CUL2: variants seen among roughly 807,000 people sequenced by gnomAD.
The protein encoded by CUL2 is cullin-2.
In CUL2, 22 loss-of-function variants were observed where a neutral mutation model predicts 110.2. The observed-to-expected ratio is 0.20, with a 90% CI of 0.14 to 0.28. The LOEUF is 0.28. Among genes scored for constraint, CUL2 ranks in the 10% least tolerant of loss-of-function variants. CUL2 has a pLI of 1.00. For missense variants in CUL2, 631 were observed against 905.5 expected (o/e 0.70, Z 3.89); for synonymous variants, 279 against 293.2 (o/e 0.95, Z 0.49).
At chr10:35,117,915 G>A (rs1185679881) in intron 1 of CUL2, among the ~76,000 whole-genome samples, 3 of 152,046 alleles carry the variant, frequency 2.0e-5, no homozygotes, top group Non-Finnish European at 4.4e-5. Context: ...AATTTTAGGT[G>A]CACAGCAAAA....
At chr10:35,123,312 C>A (rs2087699805) in intron 1 of CUL2, among the ~76,000 whole-genome samples, 2 of 152,100 alleles carry the variant, frequency 1.3e-5, no homozygotes, top group Non-Finnish European at 1.5e-5. Context: ...AAGAGGCCAC[C>A]AAAGATAATT....
At chr10:35,068,574 T>C (rs1430555201) in intron 2 of CUL2, among the ~76,000 whole-genome samples, 1 of 152,222 alleles carries the variant, frequency 6.6e-6, no homozygotes, top group Non-Finnish European at 1.5e-5. Flanking sequence ...TTCAATGTTC[T>C]ATTGATAATG....
intron 2 of CUL2, among the ~76,000 whole-genome samples, chr10:35,067,609 G>T (rs2086566995): frequency 6.6e-6 from 1 of 151,792 alleles, no homozygotes; most frequent in African/African-American, 2.4e-5. Context: ...AAATTAGCCA[G>T]GTCATGCACA....
intron 1 of CUL2, among the ~76,000 whole-genome samples, chr10:35,125,141 A>G (rs1056514388): frequency 1.3e-5 from 2 of 152,242 alleles, no homozygotes; most frequent in Non-Finnish European, 2.9e-5. Flanking sequence ...CCCACAGCTA[A>G]CAAGCATACA....
intron 1 of CUL2, chr10:35,118,420 T>C (rs2087634364): frequency 6.6e-6 from 1 of 152,258 alleles, no homozygotes; most frequent in Non-Finnish European, 1.5e-5. Context: ...CTTGCTCTAA[T>C]CTTCCGGTTC....
chr10:35,105,282 C>T (rs891552257), intron 1 of CUL2, among the ~76,000 whole-genome samples: 2 of 151,630 alleles, frequency 1.3e-5, no homozygotes, highest in Admixed American at 6.6e-5. Context: ...AAAAATTAGC[C>T]GGGCGTGGTG....
intron 3 of CUL2, among the ~76,000 whole-genome samples, chr10:35,062,660 C>T (rs2086412176): frequency 1.3e-5 from 2 of 149,412 alleles, no homozygotes; most frequent in Admixed American, 1.3e-4. Flanking sequence ...AGTGAGACCC[C>T]CATCTCTACC....
At chr10:35,053,712 A>G (rs1174877425) in intron 5 of CUL2, among the ~76,000 whole-genome samples, 1 of 152,208 alleles carries the variant, frequency 6.6e-6, no homozygotes, top group East Asian at 1.9e-4. Flanking sequence ...TTCTTTCGGA[A>G]AGGATTACAC....
chr10:35,020,372 T>C (rs2085153054), intron 17 of CUL2, among the ~76,000 whole-genome samples: 1 of 152,236 alleles, frequency 6.6e-6, no homozygotes, highest in African/African-American at 2.4e-5. Context: ...GAATATGGAC[T>C]GGACATTAGA....
At chr10:35,074,015 G>A (rs1486432262) in intron 1 of CUL2, 2 of 712,768 alleles carry the variant, frequency 2.8e-6, no homozygotes, top group Admixed American at 4.0e-5. Flanking sequence ...CCGTGCTGCG[G>A]CCGGTGCTCT....
At chr10:35,019,697 G>A (rs77599679) in intron 17 of CUL2, among the ~76,000 whole-genome samples, 424 of 152,228 alleles carry the variant, frequency 2.8e-3, no homozygotes, top group African/African-American at 9.7e-3. Flanking sequence ...AATAAAGAGC[G>A]GGCAGAACTC....
chr10:35,022,927 C>A (rs2085238934), intron 17 of CUL2, among the ~76,000 whole-genome samples: 1 of 152,104 alleles, frequency 6.6e-6, no homozygotes, highest in Admixed American at 6.5e-5. Flanking sequence ...TGCCTGTAAT[C>A]CCAGCTACTC....
intron 1 of CUL2, among the ~76,000 whole-genome samples, chr10:35,103,153 T>C (rs1378844813): frequency 6.6e-6 from 1 of 151,876 alleles, no homozygotes; most frequent in Non-Finnish European, 1.5e-5. Context: ...AAATTTTTTT[T>C]TGTTTTTGAG....
chr10:35,028,868 G>T lies in CUL2; in HGVS notation c.1559C>A (p.Thr520Asn). The change falls in exon 16 of 21, where the codon ACT becomes AAT. Residue 520 changes from threonine to asparagine, a missense_variant. By Grantham distance (65) the Thr-to-Asn change is moderately conservative. Coordinates refer to ENST00000374749, the MANE Select transcript of CUL2 (RefSeq NM_003591.4). The stretch of plus-strand genomic sequence containing the variant: ...TGCAAACGTAGATGAAGGAGCCTGA[G>T]TAAGAGGCCACGCACCAGCCTAGAA... ...YVLQAGAWPL[T>N]QAPSSTFAIP... 1 of 1,609,986 alleles carries T rather than the reference G, an allele frequency of 6.2e-7. No individual in the cohort carries two copies. Among genetic ancestry groups the T allele is most frequent in the Non-Finnish European group, 8.5e-7 (1 of 1,177,216 alleles).
In CUL2 at chr10:35,060,743, A is replaced by C. The variant is rs964317957; in HGVS notation, c.317+131T>G. 4 of 702,090 alleles carry C rather than the reference A, an allele frequency of 5.7e-6. No homozygotes were observed. In the African/African-American group the frequency reaches 7.3e-5, roughly 13 times the overall value. 43.5% of individuals were successfully genotyped at this position (702,090 alleles called of 1,614,324 possible). A position where few individuals can be genotyped will look rare whatever the true frequency, so the allele number is the denominator to read the frequency against. On this transcript the variant is annotated intron_variant, in intron 4 of 20. Coordinates refer to ENST00000374749, the MANE Select transcript of CUL2 (RefSeq NM_003591.4). The stretch of plus-strand genomic sequence containing the variant: ...ATAGACCTTTCCCCACAGCAGAGAA[A>C]AGTCCATGTCAGAGAGAATGCTTTA...
chr10:35,074,424 A>G (rs965403452), intron 1 of CUL2: 4 of 604,042 alleles, frequency 6.6e-6, no homozygotes, highest in African/African-American at 5.5e-5. Context: ...TTCTCTACCT[A>G]AAGTGCTTAT....
chr10:35,079,389 GAC>G (rs896893283), intron 1 of CUL2, among the ~76,000 whole-genome samples: 8 of 152,182 alleles, frequency 5.3e-5, no homozygotes, highest in African/African-American at 1.9e-4. Flanking sequence ...TACAGTCCCT[GAC>G]TTAGAGTAAA....
At chr10:35,072,622 C>G (rs1305175026) in intron 1 of CUL2, among the ~76,000 whole-genome samples, 1 of 152,180 alleles carries the variant, frequency 6.6e-6, no homozygotes, top group Non-Finnish European at 1.5e-5. Flanking sequence ...CCCACCTCGG[C>G]CTCCCAAAGT....
chr10:35,096,174 A>G (rs898026934), intron 2 of CUL2, among the ~76,000 whole-genome samples: 6 of 151,926 alleles, frequency 3.9e-5, no homozygotes, highest in African/African-American at 1.4e-4. Context: ...CTTGAACCTC[A>G]GAGGCAGAGG....
Sources: gnomAD v4.1 joint callset for allele counts (sites outside exome capture counted in the v4.1 genomes callset) on GRCh38, gnomAD v4.1.1 for gene constraint, MANE v1.5 for transcripts, NCBI Gene and HGNC (gene_info 2026-07-23, HGNC 2026-07-21) for gene names.